Variants in LCORL observed in about 807,000 individuals in gnomAD.
The protein encoded by LCORL is ligand-dependent nuclear receptor corepressor-like protein.
A neutral mutation model predicts 141.8 loss-of-function variants in LCORL; 41 were observed. That is an observed-to-expected ratio of 0.29 (90% CI 0.23 to 0.38). The LOEUF (loss-of-function observed/expected upper bound fraction) is 0.38, where lower values mean the gene tolerates loss of function less well. LCORL is among the 10% of genes least tolerant of loss of function. The pLI is 1.00. For synonymous variants in LCORL, 618 were observed against 694.1 expected (o/e 0.89, Z 1.72); for missense variants, 1,759 against 2,035.0 (o/e 0.86, Z 2.61).
At chr4:17,951,306 T>C (rs931756797) in intron 4 of LCORL, among the ~76,000 whole-genome samples, 2 of 152,220 alleles carry the variant, frequency 1.3e-5, no homozygotes, top group African/African-American at 2.4e-5. Flanking sequence ...TTTCTTTGTA[T>C]GTAAAGAAAC....
intron 6 of LCORL, among the ~76,000 whole-genome samples, chr4:17,879,396 C>T (rs910504280): frequency 6.6e-6 from 1 of 150,906 alleles, no homozygotes; most frequent in African/African-American, 2.4e-5. Flanking sequence ...GATAACTTTA[C>T]TAGATTCATC....
chr4:17,898,652 GTT>G (rs34770223), intron 5 of LCORL, among the ~76,000 whole-genome samples: 7,128 of 119,346 alleles, frequency 0.06, 181 homozygotes, highest in Non-Finnish European at 0.076. Flanking sequence ...CATTCTCACC[GTT>G]TTTTTTTTTT....
At chr4:17,896,104 G>A (rs1729882199) in intron 5 of LCORL, among the ~76,000 whole-genome samples, 1 of 152,108 alleles carries the variant, frequency 6.6e-6, no homozygotes, top group African/African-American at 2.4e-5. Context: ...AACCTTTTGA[G>A]GAACTTCAGA....
At position 17,909,077 on chromosome 4, in the gene LCORL, C is replaced by T; in HGVS notation, c.682+17G>A. 6.4e-7 allele frequency: 1 copy of T among 1,564,386 alleles called. No homozygotes were observed. The highest frequency in any genetic ancestry group is 8.6e-7 in the Non-Finnish European group (1 of 1,159,524). ...AAAACATCAAATTATATATTAAATG[C>T]ACACAAAAAATCTTACCTTGCTGAG... On this transcript the variant is annotated intron_variant, in intron 5 of 7. Coordinates refer to ENST00000635767, the Ensembl canonical transcript of LCORL.
intron 2 of LCORL, among the ~76,000 whole-genome samples, chr4:17,968,322 A>T (rs891170993): frequency 1.9e-4 from 29 of 152,316 alleles, no homozygotes; most frequent in Admixed American, 5.9e-4. Flanking sequence ...TCTGGCTTTA[A>T]TTGTATAATA....
Position 17,884,632 on chromosome 4 carries a change from T to C in LCORL, c.776+1436A>G, listed in dbSNP as rs1728045617. 6.5e-7 allele frequency: 1 copy of C among 1,547,358 alleles called. No individual in the cohort carries two copies. The highest frequency in any genetic ancestry group is 8.7e-7 in the Non-Finnish European group (1 of 1,144,922). Reference sequence around the variant, plus strand: ...AAGTTTTTTGAGGTATGCCATAAAGTATGCCTGCTTTATTTATGTCCAGTG... The same window carrying C: ...AAGTTTTTTGAGGTATGCCATAAAGCATGCCTGCTTTATTTATGTCCAGTG... On this transcript the variant is annotated intron_variant, in intron 6 of 7. Transcript: ENST00000635767. The surrounding 1 kb of genome is among the most constrained non-coding windows in gnomAD (Gnocchi z 4.4).
intron 5 of LCORL, among the ~76,000 whole-genome samples, chr4:17,892,499 C>T (rs951617351): frequency 6.6e-6 from 1 of 152,134 alleles, no homozygotes; most frequent in African/African-American, 2.4e-5. Context: ...CATGAACCAC[C>T]ATGCCCGGGC....
chr4:17,997,531 G>A (rs1721102541), intron 1 of LCORL, among the ~76,000 whole-genome samples: 2 of 152,114 alleles, frequency 1.3e-5, no homozygotes, highest in South Asian at 2.1e-4. Context: ...TAATAAGAAA[G>A]ATGACTAATA....
In LCORL at chr4:17,985,239, A is replaced by G. The variant is rs118168609; in HGVS notation, c.155-12354T>C. 5.0e-4 allele frequency among the ~76,000 whole-genome samples: 76 copies of G among 152,232 alleles called. No homozygotes were observed. In the East Asian group the frequency reaches 0.014, roughly 28 times the overall value. ...TGCCATGTGGTGATGAGAAGTAAGT[A>G]TACTCTGCTGTTTTGGGATGGAGAG... On this transcript the variant is annotated intron_variant, in intron 1 of 7. Coordinates refer to ENST00000635767, the Ensembl canonical transcript of LCORL.
At chr4:18,008,268 T>C (rs1185741737) in intron 1 of LCORL, among the ~76,000 whole-genome samples, 3 of 152,156 alleles carry the variant, frequency 2.0e-5, no homozygotes, top group Admixed American at 1.3e-4. Flanking sequence ...TAGTGGATAT[T>C]TTCTCTGATT....
chr4:17,981,668 G>T (rs73100916), intron 1 of LCORL, among the ~76,000 whole-genome samples: 5 of 152,156 alleles, frequency 3.3e-5, no homozygotes, highest in African/African-American at 1.2e-4. Context: ...AACCCAGAAG[G>T]TTGAGGCTGC....
chr4:17,994,796 ATG>A (rs1214758649), intron 1 of LCORL, among the ~76,000 whole-genome samples: 2 of 143,884 alleles, frequency 1.4e-5, no homozygotes, highest in East Asian at 3.9e-4. Context: ...AATCACATAA[ATG>A]TTAATTTATG....
chr4:17,948,504 T>C (rs977871383), intron 4 of LCORL, among the ~76,000 whole-genome samples: 1 of 152,072 alleles, frequency 6.6e-6, no homozygotes, highest in Non-Finnish European at 1.5e-5. Flanking sequence ...TCCAGTGTTA[T>C]ACATATTACC....
intron 7 of LCORL, among the ~76,000 whole-genome samples, chr4:17,850,896 A>G (rs1723587524): frequency 6.6e-6 from 1 of 151,396 alleles, no homozygotes; most frequent in African/African-American, 2.4e-5. Context: ...CAGCAATGAT[A>G]GACTGGATTA....
chr4:17,991,639 T>A (rs1021813935), intron 1 of LCORL, among the ~76,000 whole-genome samples: 9 of 152,180 alleles, frequency 5.9e-5, no homozygotes, highest in Non-Finnish European at 1.2e-4. Context: ...ACCACAAATT[T>A]AAAAACCTAT....
chr4:17,979,425 T>C (rs1717592504), intron 1 of LCORL, among the ~76,000 whole-genome samples: 1 of 152,228 alleles, frequency 6.6e-6, no homozygotes, highest in Non-Finnish European at 1.5e-5. Context: ...CTCTGACTTG[T>C]TAATCTCAGC....
chr4:17,892,330 T>C (rs2109255095), intron 5 of LCORL, among the ~76,000 whole-genome samples: 1 of 150,178 alleles, frequency 6.7e-6, no homozygotes, highest in South Asian at 2.2e-4. Context: ...TGCCTCAGCC[T>C]CCCAAGTAGC....
intron 6 of LCORL, chr4:17,882,478 T>C: frequency 1.0e-6 from 1 of 984,446 alleles, no homozygotes; most frequent in Non-Finnish European, 1.2e-6. Flanking sequence ...GACCAGTCTC[T>C]CTTATGAGTC....
In LCORL at chr4:17,842,340, C is replaced by T. The variant is rs200488618; in HGVS notation, c.*3548G>A. 30 of 1,612,092 alleles carry T rather than the reference C, an allele frequency of 1.9e-5. No homozygotes were observed. The highest frequency in any genetic ancestry group is 2.4e-5 in the Non-Finnish European group (28 of 1,178,506). On this transcript the variant is annotated 3_prime_UTR_variant, in exon 8 of 8. Transcript: ENST00000635767. Reference sequence around the variant, plus strand: ...AGAAAAGTGACAGTTTCAGCTAGGACGAACAGGAGGTGTCAGACTGCTGAA... The same window carrying T: ...AGAAAAGTGACAGTTTCAGCTAGGATGAACAGGAGGTGTCAGACTGCTGAA...
Sources: allele counts gnomAD v4.1 joint callset (sites outside exome capture counted in the v4.1 genomes callset), GRCh38; gene constraint gnomAD v4.1.1; non-coding constraint Gnocchi (gnomAD v3.1); transcripts MANE v1.5; gene names NCBI Gene and HGNC (gene_info 2026-07-23, HGNC 2026-07-21).